PPP2CB: variants seen among roughly 807,000 people sequenced by gnomAD.
PPP2CB encodes serine/threonine-protein phosphatase 2A catalytic subunit beta isoform.
Under a neutral mutation model 39.1 loss-of-function variants are expected in PPP2CB, and 18 were observed. The ratio of observed to expected loss-of-function variants is 0.46; its 90% CI spans 0.32 to 0.68. PPP2CB has a LOEUF of 0.68. Among genes scored for constraint, PPP2CB ranks in the 30% least tolerant of loss-of-function variants. The pLI is 0.04. For synonymous variants in PPP2CB, 129 were observed against 133.8 expected, an observed-to-expected ratio of 0.96 and a Z score of 0.25; for missense variants, 226 against 396.9, an observed-to-expected ratio of 0.57 and a Z score of 3.66.
At chr8:30,788,500 T>G (rs368451068) in intron 6 of PPP2CB, among the ~76,000 whole-genome samples, 18 of 152,174 alleles carry the variant, frequency 1.2e-4, no homozygotes, top group Non-Finnish European at 2.4e-4. Context: ...TCCTCCTACT[T>G]TGGCTTCCCA....
chr8:30,788,040 G>T (rs919005657), intron 6 of PPP2CB, among the ~76,000 whole-genome samples: 1 of 152,054 alleles, frequency 6.6e-6, no homozygotes, highest in Admixed American at 6.6e-5. Context: ...TAGTGATTTG[G>T]TAATGTGAGT....
At chr8:30,792,017 T>C (rs1272839336) in intron 5 of PPP2CB, among the ~76,000 whole-genome samples, 4 of 132,242 alleles carry the variant, frequency 3.0e-5, no homozygotes, top group Admixed American at 1.4e-4. Flanking sequence ...CACATACATG[T>C]GTGTATATAT....
rs554011052 is a variant in PPP2CB, at chr8:30,798,714, T to C, written c.312+832A>G. On this transcript the variant is annotated intron_variant, in intron 2 of 6. Coordinates refer to ENST00000221138, the MANE Select transcript of PPP2CB (RefSeq NM_001009552.2). ...TGAGGGACTAACCTCACTAAGGACA[T>C]ATGTAAAATAATAAGTAATAGAAGG... 3.3e-5 allele frequency among the ~76,000 whole-genome samples: 5 copies of C among 152,300 alleles called. No individual in the cohort carries two copies. In the East Asian group the frequency reaches 9.6e-4, roughly 29 times the overall value.
intron 5 of PPP2CB, among the ~76,000 whole-genome samples, chr8:30,791,974 AT>A (rs1563575361): frequency 4.5e-5 from 4 of 88,408 alleles, no homozygotes; most frequent in South Asian, 3.5e-4. Flanking sequence ...ACGTGTGTAT[AT>A]GTGTATATAT....
At chr8:30,788,437 A>C (rs932502085) in intron 6 of PPP2CB, among the ~76,000 whole-genome samples, 11 of 151,652 alleles carry the variant, frequency 7.3e-5, no homozygotes, top group African/African-American at 2.7e-4. Context: ...TAATTTTTAA[A>C]TTTTTTTGTA....
At chr8:30,809,305 C>T (rs1178350437) in intron 1 of PPP2CB, among the ~76,000 whole-genome samples, 3 of 152,128 alleles carry the variant, frequency 2.0e-5, no homozygotes, top group Non-Finnish European at 4.4e-5. Flanking sequence ...GAAAGACTGA[C>T]AGCTAGCAAG....
chr8:30,801,314 C>T (rs1177889763), intron 1 of PPP2CB, among the ~76,000 whole-genome samples: 5 of 151,932 alleles, frequency 3.3e-5, no homozygotes, highest in East Asian at 3.9e-4. Context: ...AGGTGGATCA[C>T]GAGGTCAGGA....
At position 30,799,700 on chromosome 8, in the gene PPP2CB, G is replaced by GTAACAGGGCAACGAACC. The variant is rs1320515545; in HGVS notation, c.141_157dup (p.Thr53ArgfsTer41). The GTAACAGGGCAACGAACC allele has an allele frequency of 6.2e-7, 1 of 1,614,034 alleles. No individual in the cohort carries two copies. Among genetic ancestry groups the GTAACAGGGCAACGAACC allele is most frequent in the Admixed American group, 1.7e-5 (1 of 60,004 alleles). On this transcript the variant is annotated frameshift_variant, in exon 2 of 7. Transcript: ENST00000221138. LOFTEE classifies it high-confidence loss of function. ...TTGACCATGCACATCTCCACAGACA[G>GTAACAGGGCAACGAACC]TAACAGGGCAACGAACCTCTTGCAC...
intron 6 of PPP2CB, chr8:30,786,528 G>A: frequency 6.2e-6 from 2 of 322,372 alleles, no homozygotes; most frequent in Non-Finnish European, 1.1e-5. Flanking sequence ...AGAATGTCTG[G>A]TTTGGTGCCT....
rs752750059 is a variant in PPP2CB, at chr8:30,793,950, T to C, written c.705A>G (p.Thr235=). The C allele has an allele frequency of 1.9e-6, 3 of 1,613,716 alleles. No homozygotes were observed. The highest frequency in any genetic ancestry group is 2.5e-6 in the Non-Finnish European group (3 of 1,179,944). ...CAAGCTGGTGGGCACGAGAAACCAGTGTGAGACCATTGGCATGGTTAAAGG... is the reference window on the plus strand; with the variant it reads ...CAAGCTGGTGGGCACGAGAAACCAGCGTGAGACCATTGGCATGGTTAAAGG... ...SETFNHANGL[T]LVSRAHQLVM... is the part of the protein sequence containing the mutation. The change falls in exon 5 of 7, where the codon ACA becomes ACG. Residue 235 remains threonine (T), a synonymous_variant. Transcript: ENST00000221138.
chr8:30,810,186 G>A (rs1192883531), intron 1 of PPP2CB: 1 of 152,268 alleles, frequency 6.6e-6, no homozygotes, highest in Non-Finnish European at 1.5e-5. Flanking sequence ...GGCTGTGCAC[G>A]AGGCTCGCGC....
intron 1 of PPP2CB, among the ~76,000 whole-genome samples, chr8:30,808,046 T>A (rs1398110179): frequency 6.6e-6 from 1 of 152,230 alleles, no homozygotes; most frequent in South Asian, 2.1e-4. Flanking sequence ...TTTTTGCAAC[T>A]ACCTCAAAAT....
intron 2 of PPP2CB, among the ~76,000 whole-genome samples, chr8:30,798,038 T>C (rs1806555335): frequency 6.6e-6 from 1 of 152,218 alleles, no homozygotes; most frequent in African/African-American, 2.4e-5. Context: ...ATCTGATACT[T>C]TGCTTCTATT....
chr8:30,794,679 T>C (rs1391755409), intron 3 of PPP2CB, among the ~76,000 whole-genome samples: 1 of 152,126 alleles, frequency 6.6e-6, no homozygotes, highest in African/African-American at 2.4e-5. Context: ...CACTGCGCAA[T>C]GCAGCCATGA....
At chr8:30,786,372 G>C in intron 6 of PPP2CB, 65 bp from the exon 7 acceptor site, 2 of 1,324,358 alleles carry the variant, frequency 1.5e-6, no homozygotes, top group Non-Finnish European at 1.1e-6. Flanking sequence ...AATGAATAAA[G>C]AACAAGACAC....
chr8:30,789,037 C>G (rs564781598), intron 6 of PPP2CB, among the ~76,000 whole-genome samples: 1 of 149,948 alleles, frequency 6.7e-6, no homozygotes, highest in East Asian at 1.9e-4. Context: ...TGGCCCTGCT[C>G]GGATGTTTTT....
Position 30,786,253 on chromosome 8 carries a change from G to C in PPP2CB, c.912C>G (p.Thr304=). 1 of 1,578,246 alleles carries C rather than the reference G, an allele frequency of 6.3e-7. No homozygotes were observed. Among genetic ancestry groups the C allele is most frequent in the Non-Finnish European group, 8.6e-7 (1 of 1,161,518 alleles). ...RRGEPHVTRR[T]PDYFL ...GAGAAATTTATAGGAAGTAGTCTGG[G>C]GTGCGCCGTGTAACATGAGGCTCAC... is the stretch of plus-strand genomic sequence containing the variant. Residue 304 remains threonine (T), a synonymous_variant, in exon 7 of 7, where the codon ACC becomes ACG. Coordinates refer to ENST00000221138, the MANE Select transcript of PPP2CB (RefSeq NM_001009552.2).
At chr8:30,790,158 T>G (rs545168152) in intron 6 of PPP2CB, among the ~76,000 whole-genome samples, 3 of 113,062 alleles carry the variant, frequency 2.7e-5, no homozygotes, top group South Asian at 5.4e-4. Context: ...GGACATGAAT[T>G]TTTTTGGGGG....
rs569063598 is a variant in PPP2CB at position 30,811,505 on chromosome 8, ATT to A, written c.102+813_102+814del. Among the ~76,000 whole-genome samples, 100 of 127,508 alleles carry A rather than the reference ATT, an allele frequency of 7.8e-4. 1 individual carries two copies. The highest frequency in any genetic ancestry group is 1.0e-3 in the Admixed American group (13 of 12,382). The allele number at this position is 127,508 out of a possible 152,430, so 83.7% of individuals were successfully genotyped here. On this transcript the variant is annotated intron_variant, in intron 1 of 6. Coordinates refer to ENST00000221138, the MANE Select transcript of PPP2CB (RefSeq NM_001009552.2). ...CGCTTGGCACATTCAAGAATCAGCG[ATT>A]TTTTTTTTTTTTTTTTTGCTGTCGC...
Sources: allele counts gnomAD v4.1 joint callset (sites outside exome capture counted in the v4.1 genomes callset), GRCh38; gene constraint gnomAD v4.1.1; transcripts MANE v1.5; gene names NCBI Gene and HGNC (gene_info 2026-07-23, HGNC 2026-07-21).